Variants in TENM4 observed in about 807,000 individuals in gnomAD.
TENM4 encodes teneurin-4.
A neutral mutation model predicts 243.3 loss-of-function variants in TENM4; 82 were observed. That is an observed-to-expected ratio of 0.34 (90% CI 0.28 to 0.40). The LOEUF (loss-of-function observed/expected upper bound fraction) is 0.40. Ranked by LOEUF, TENM4 falls within the 10% of genes least tolerant of loss-of-function variation. TENM4 has a pLI of 1.00. For synonymous variants in TENM4, 1,412 were observed against 1,456.3 expected (o/e 0.97, Z 0.69); for missense variants, 3,138 against 3,673.3 (o/e 0.85, Z 3.77).
At chr11:79,271,018 A>T (rs183493781) in intron 2 of TENM4, among the ~76,000 whole-genome samples, 88 of 152,302 alleles carry the variant, frequency 5.8e-4, no homozygotes, top group Admixed American at 5.7e-3. Context: ...GGAAACTCTG[A>T]TCTAGGTCAT....
intron 3 of TENM4, among the ~76,000 whole-genome samples, chr11:79,211,145 A>G (rs913765779): frequency 6.6e-6 from 1 of 152,172 alleles, no homozygotes; most frequent in Non-Finnish European, 1.5e-5. Context: ...ATCTGAAGGC[A>G]GTTACACCAA....
intron 4 of TENM4, among the ~76,000 whole-genome samples, chr11:79,139,701 A>T (rs1477880884): frequency 2.4e-5 from 2 of 85,006 alleles, no homozygotes; most frequent in African/African-American, 1.3e-4. Flanking sequence ...AATATATATA[A>T]TATTTATATA....
chr11:78,756,792 C>A lies in TENM4; in HGVS notation c.2756+13G>T, dbSNP rs199832161. ...CAGAGAGCCCTGGCTGGAGCTGGGG[C>A]CCTCGGACTCACCCTCCATCAAAGG... On this transcript the variant is annotated intron_variant, in intron 19 of 33. Transcript: ENST00000278550. The A allele has an allele frequency of 3.4e-5, 55 of 1,608,046 alleles. No individual in the cohort carries two copies. The African/African-American group carries it at 6.8e-4, about 20-fold the overall frequency.
chr11:78,744,677 T>G (rs1856005339), intron 19 of TENM4, among the ~76,000 whole-genome samples: 1 of 152,256 alleles, frequency 6.6e-6, no homozygotes, highest in African/African-American at 2.4e-5. Context: ...ACGCCCTTTC[T>G]GTAAACATTT....
intron 3 of TENM4, chr11:79,191,603 AGGAGCCCCTCTGC>A (rs1863494065): frequency 6.4e-6 from 1 of 155,494 alleles, no homozygotes; most frequent in African/African-American, 3.0e-5. Context: ...CTGGGATGTG[AGGAGCCCCTCTGC>A]CTGGCTGCCC....
At chr11:79,157,244 C>G (rs1357614086) in intron 3 of TENM4, among the ~76,000 whole-genome samples, 2 of 152,142 alleles carry the variant, frequency 1.3e-5, no homozygotes, top group African/African-American at 4.8e-5. Context: ...GAGGCTCTCT[C>G]TGAGCCTCAG....
chr11:79,050,802 TGAGG>T (rs2136936259), intron 6 of TENM4, among the ~76,000 whole-genome samples: 1 of 152,306 alleles, frequency 6.6e-6, no homozygotes, highest in East Asian at 1.9e-4. Flanking sequence ...GCTATTTATT[TGAGG>T]GAGAGTTTCT....
At chr11:78,884,596 C>T (rs1036999982) in intron 9 of TENM4, among the ~76,000 whole-genome samples, 8 of 152,180 alleles carry the variant, frequency 5.3e-5, no homozygotes, top group Non-Finnish European at 7.3e-5. Context: ...GTTTCCTTTT[C>T]TAGAAAATAC....
chr11:78,961,170 A>G (rs942573302), intron 6 of TENM4, among the ~76,000 whole-genome samples: 2 of 152,226 alleles, frequency 1.3e-5, no homozygotes, highest in Non-Finnish European at 2.9e-5. Flanking sequence ...ACAAGCACTT[A>G]TAAATAAATG....
chr11:79,431,809 T>C (rs1859174338), intron 1 of TENM4, among the ~76,000 whole-genome samples: 1 of 152,230 alleles, frequency 6.6e-6, no homozygotes, highest in African/African-American at 2.4e-5. Context: ...TCCCTAACCA[T>C]TAGCCCAAAG....
intron 3 of TENM4, among the ~76,000 whole-genome samples, chr11:79,196,015 A>C (rs923774811): frequency 2.0e-5 from 3 of 152,152 alleles, no homozygotes; most frequent in Non-Finnish European, 4.4e-5. Context: ...AAGCCTCACG[A>C]GATCTGATGG....
intron 6 of TENM4, among the ~76,000 whole-genome samples, chr11:79,055,480 G>C (rs1208533262): frequency 6.6e-6 from 1 of 152,138 alleles, no homozygotes; most frequent in Non-Finnish European, 1.5e-5. Context: ...GACCTCAAGT[G>C]ATCTGCCTGT....
intron 1 of TENM4, among the ~76,000 whole-genome samples, chr11:79,429,810 C>G (rs1388463828): frequency 6.6e-6 from 1 of 152,194 alleles, no homozygotes; most frequent in Admixed American, 6.5e-5. Flanking sequence ...GGTGCTGATT[C>G]AAGGATGGCA....
rs558521492 is a variant in TENM4, at chr11:79,296,638, A to G, written c.-265+850T>C. 5.3e-5 allele frequency among the ~76,000 whole-genome samples: 8 copies of G among 152,354 alleles called. No homozygotes were observed. The East Asian group carries it at 1.5e-3, about 29-fold the overall frequency. ...AGATGCTACAACTACCAGGTGGAAC[A>G]GTCTGCTGTTATTAGAAACAAATGT... On this transcript the variant is annotated intron_variant, in intron 2 of 33. Coordinates refer to ENST00000278550, the MANE Select transcript of TENM4 (RefSeq NM_001098816.3).
rs894560000 is a variant in TENM4 at position 78,702,085 on chromosome 11, G to A, written c.4528C>T (p.Pro1510Ser). The A allele has an allele frequency of 1.2e-6, 2 of 1,613,884 alleles. No homozygotes were observed. The highest frequency in any genetic ancestry group is 1.7e-5 in the Admixed American group (1 of 60,008). Residue 1510 changes from proline to serine, a missense_variant, in exon 28 of 34, where the codon CCC (proline) becomes TCC (serine). Physicochemically the swap from Pro to Ser is moderately conservative, Grantham distance 74. This residue lies in a region of TENM4 where 2,467 missense variants were observed against 3,059.1 expected (regional missense o/e 0.81). Transcript: ENST00000278550. ...TCATTTTTACAGTCACAGCCACTGG[G>A]GGCCCCAGCAACGAGTGAGATCTCT... ...SGEISLVAGA[P>S]SGCDCKNDAN...
intron 3 of TENM4, among the ~76,000 whole-genome samples, chr11:79,181,168 G>A (rs1248603464): frequency 1.3e-5 from 2 of 151,934 alleles, no homozygotes; most frequent in Non-Finnish European, 2.9e-5. Flanking sequence ...CTATCTCTCA[G>A]GAGCACAGAT....
intron 16 of TENM4, among the ~76,000 whole-genome samples, chr11:78,784,843 T>C (rs949329028): frequency 4.6e-5 from 7 of 152,238 alleles, no homozygotes; most frequent in African/African-American, 1.4e-4. Context: ...ACACTGCCTG[T>C]AAAACAGCCT....
At chr11:78,867,824 C>A (rs536731367) in intron 9 of TENM4, among the ~76,000 whole-genome samples, 1 of 152,258 alleles carries the variant, frequency 6.6e-6, no homozygotes, top group South Asian at 2.1e-4. Flanking sequence ...CTGGAGACCA[C>A]AGAGCTGGTA....
At chr11:78,863,648 C>A (rs981028265) in intron 9 of TENM4, among the ~76,000 whole-genome samples, 2 of 152,146 alleles carry the variant, frequency 1.3e-5, no homozygotes, top group African/African-American at 2.4e-5. Flanking sequence ...CTATTTTTCA[C>A]ATATGGTTTG....
Sources: gnomAD v4.1 joint callset for allele counts (sites outside exome capture counted in the v4.1 genomes callset) on GRCh38, gnomAD v4.1.1 for gene constraint, gnomAD v4.1.1 regional missense constraint, MANE v1.5 for transcripts, NCBI Gene and HGNC (gene_info 2026-07-23, HGNC 2026-07-21) for gene names.